The following ARHGEF2 variants were observed in gnomAD, a reference collection of about 807,000 sequenced individuals.
The protein encoded by ARHGEF2 is rho guanine nucleotide exchange factor 2.
In ARHGEF2, 22 loss-of-function variants were observed where a neutral mutation model predicts 121.0. The ratio of observed to expected loss-of-function variants is 0.18; its 90% CI spans 0.13 to 0.26. ARHGEF2 has a LOEUF of 0.26. ARHGEF2 is among the 10% of genes least tolerant of loss of function. The pLI is 1.00. For synonymous variants in ARHGEF2, 487 were observed against 530.0 expected (o/e 0.92, Z 1.11); for missense variants, 907 against 1,336.0 (o/e 0.68, Z 5.01).
Position 155,947,503 on chromosome 1 carries a change from T to C in ARHGEF2, c.*439A>G. ...AGGGTGCTGTGGCTGCAGCCTCTCCTCCAAGACGGATGTTGCAGGGGAGGG... is the reference window on the plus strand; with the variant it reads ...AGGGTGCTGTGGCTGCAGCCTCTCCCCCAAGACGGATGTTGCAGGGGAGGG... On this transcript the variant is annotated 3_prime_UTR_variant, in exon 22 of 22. Coordinates refer to ENST00000361247, the MANE Select transcript of ARHGEF2 (RefSeq NM_001162383.2). 1 of 441,816 alleles carries C rather than the reference T, an allele frequency of 2.3e-6. No individual in the cohort carries two copies. The highest frequency in any genetic ancestry group is 1.6e-5 in the South Asian group (1 of 62,700). The allele number at this position is 441,816 out of a possible 1,614,324, so 27.4% of individuals were successfully genotyped here. A position where few individuals can be genotyped will look rare whatever the true frequency, so the allele number is the denominator to read the frequency against.
rs576936245 is a variant in ARHGEF2, at chr1:155,961,678, G to A, written c.1451C>T (p.Ala484Val). Residue 484 changes from alanine to valine, a missense_variant, in exon 11 of 22, where the codon GCG (alanine) becomes GTG (valine). Physicochemically the swap from Ala to Val is moderately conservative, Grantham distance 64. Coordinates refer to ENST00000361247, the MANE Select transcript of ARHGEF2 (RefSeq NM_001162383.2). The surrounding 1 kb of genome is among the most constrained non-coding windows in gnomAD (Gnocchi z 4.7). The stretch of plus-strand genomic sequence containing the variant: ...GGTCTGACCTTTGAAGCGCCCCGTC[G>A]CTGTCTTCCAGAGCAGGCAGCCATC... The part of the protein sequence containing the change: ...IHDGCLLWKT[A>V]TGRFKDVLVL... 1.5e-5 allele frequency: 24 copies of A among 1,612,076 alleles called. No individual in the cohort carries two copies. Among genetic ancestry groups the A allele is most frequent in the South Asian group, 2.2e-5 (2 of 91,092 alleles).
At chr1:155,948,469 A>G (rs1427931779) in intron 21 of ARHGEF2, among the ~76,000 whole-genome samples, 1 of 152,006 alleles carries the variant, frequency 6.6e-6, no homozygotes, top group Non-Finnish European at 1.5e-5. Flanking sequence ...ATCTCTACTA[A>G]AAATGCCAAA....
At position 155,962,701 on chromosome 1, in the gene ARHGEF2, C is replaced by T. The variant is rs75834511; in HGVS notation, c.993G>A (p.Ala331=). The T allele has an allele frequency of 1.9e-3, 3,015 of 1,614,132 alleles. 7 individuals carry two copies. Among genetic ancestry groups the T allele is most frequent in the Non-Finnish European group, 2.3e-3 (2,680 of 1,180,024 alleles). Residue 331 remains alanine (A), a synonymous_variant, in exon 9 of 22, where the codon GCG becomes GCA. Transcript: ENST00000361247. The surrounding 1 kb of genome is among the most constrained non-coding windows in gnomAD (Gnocchi z 5.8). ...LLISQFSGPS[A]EQMCKTYSEF... ...CCGAGTAGGTCTTACACATCTGCTC[C>T]GCACTAGGACCTGAGAACTAGAAGT...
upstream of ARHGEF2, chr1:155,979,261 C>G (rs1176171069): frequency 1.0e-6 from 1 of 985,608 alleles, no homozygotes; most frequent in Non-Finnish European, 1.2e-6. Flanking sequence ...TTGGGATTCT[C>G]CACTTTTACC....
At position 155,969,264 on chromosome 1, in the gene ARHGEF2, C is replaced by T. The variant is rs1389676824; in HGVS notation, c.100G>A (p.Ala34Thr). The T allele has an allele frequency of 1.1e-5, 18 of 1,614,064 alleles. No individual in the cohort carries two copies. The Admixed American group carries it at 3.0e-4, about 27-fold the overall frequency. ...EKEKMKEAKD[A>T]RYTNGHLFTT... ...AAGAGGTGCCCATTGGTATAGCGGG[C>T]ATCCTTGGCTTCCTTCATCTTCTCC... Residue 34 changes from alanine to threonine, a missense_variant, in exon 2 of 22, where the codon GCC becomes ACC. This residue lies in a region of ARHGEF2 where 475 missense variants were observed against 776.5 expected (regional missense o/e 0.61). Coordinates refer to ENST00000361247, the MANE Select transcript of ARHGEF2 (RefSeq NM_001162383.2).
At chr1:155,948,154 G>A in intron 21 of ARHGEF2, 139 bp from the exon 22 acceptor site, 1 of 612,272 alleles carries the variant, frequency 1.6e-6, no homozygotes, top group East Asian at 3.1e-5. Flanking sequence ...TAAATTCTTG[G>A]GTGAGAGGAA....
At position 155,965,735 on chromosome 1, in the gene ARHGEF2, C is replaced by A; in HGVS notation, c.366G>T (p.Ser122=). The A allele has an allele frequency of 3.7e-6, 6 of 1,600,368 alleles. No individual in the cohort carries two copies. Among genetic ancestry groups the A allele is most frequent in the Non-Finnish European group, 5.1e-6 (6 of 1,176,788 alleles). The part of the protein sequence containing the change: ...SKTTIRERPS[S]AIYPSDSFRQ... Reference sequence around the variant, plus strand: ...GGAAGCTGTCGGAGGGGTAGATGGCCGAGCTTGGCCGCTCCCGGATGGTTG... The same window carrying A: ...GGAAGCTGTCGGAGGGGTAGATGGCAGAGCTTGGCCGCTCCCGGATGGTTG... Residue 122 remains serine, a synonymous_variant, in exon 5 of 22, where the codon TCG becomes TCT. Transcript: ENST00000361247. This position sits in a 1 kb window ranked among gnomAD's most constrained non-coding sequence, Gnocchi z 6.0.
At chr1:155,955,029 C>A in intron 13 of ARHGEF2, 60 bp from the exon 14 acceptor site, 2 of 1,428,700 alleles carry the variant, frequency 1.4e-6, no homozygotes, top group South Asian at 1.2e-5. Context: ...AGACCAGAAT[C>A]AGCCTTCCCT....
At chr1:155,954,601 T>C (rs1435838790) in intron 14 of ARHGEF2, among the ~76,000 whole-genome samples, 41 of 151,668 alleles carry the variant, frequency 2.7e-4, no homozygotes, top group Non-Finnish European at 4.6e-4. Flanking sequence ...CTACTTCCTT[T>C]TTTAAGGAAG....
At chr1:155,966,379 G>A in intron 4 of ARHGEF2, 37 bp downstream of exon 4, 1 of 1,608,532 alleles carries the variant, frequency 6.2e-7, no homozygotes, top group Non-Finnish European at 8.5e-7. Flanking sequence ...TGGGGTCCAG[G>A]GTCTTAGGGG....
upstream of ARHGEF2, chr1:155,978,701 G>A (rs765129218): frequency 2.2e-6 from 2 of 918,360 alleles, no homozygotes; most frequent in South Asian, 4.2e-5. This position sits in a 1 kb window ranked among gnomAD's most constrained non-coding sequence, Gnocchi z 4.1. Flanking sequence ...AGAGGTACGA[G>A]GGTCCTAGGA....
intron 1 of ARHGEF2, among the ~76,000 whole-genome samples, chr1:155,977,000 T>C (rs1019239918): frequency 6.6e-6 from 1 of 152,080 alleles, no homozygotes; most frequent in Non-Finnish European, 1.5e-5. Context: ...GGAACCTCTG[T>C]CTCTCCCAGT....
chr1:155,951,560 G>A lies in ARHGEF2; in HGVS notation c.2209-27C>T. On this transcript the variant is annotated intron_variant, in intron 18 of 21. Transcript: ENST00000361247. This position sits in a 1 kb window ranked among gnomAD's most constrained non-coding sequence, Gnocchi z 5.1. ...TGAGGACAGACAGGGTGGGAACAGGGCCCCAGCTTTAGGATGGGAGAACTG... is the reference window on the plus strand; with the variant it reads ...TGAGGACAGACAGGGTGGGAACAGGACCCCAGCTTTAGGATGGGAGAACTG... 6.2e-7 allele frequency: 1 copy of A among 1,614,098 alleles called. No individual in the cohort carries two copies. The highest frequency in any genetic ancestry group is 8.5e-7 in the Non-Finnish European group (1 of 1,179,992).
intron 1 of ARHGEF2, chr1:155,970,352 G>A (rs1680225721): frequency 1.0e-6 from 1 of 985,366 alleles, no homozygotes; most frequent in Admixed American, 6.1e-5. Flanking sequence ...CCCTCTTCAA[G>A]CCCCTGTGAT....
chr1:155,971,062 CT>C, intron 1 of ARHGEF2: 1 of 986,618 alleles, frequency 1.0e-6, no homozygotes, highest in Non-Finnish European at 1.2e-6. Context: ...CACTGTTCTC[CT>C]CTCCCGCCCA....
Position 155,950,512 on chromosome 1 carries a change from G to A in ARHGEF2, c.2704-30C>T, listed in dbSNP as rs763968735. 1.8e-5 allele frequency: 29 copies of A among 1,604,080 alleles called. No homozygotes were observed. The highest frequency in any genetic ancestry group is 2.3e-5 in the Non-Finnish European group (27 of 1,172,970). On this transcript the variant is annotated intron_variant, in intron 20 of 21. Transcript: ENST00000361247. This position sits in a 1 kb window ranked among gnomAD's most constrained non-coding sequence, Gnocchi z 5.2. ...GGACAGTGGGCAGGAAGAACAGCAG[G>A]TCAGGGACTGAGTAGTGTGAAGATT...
At position 155,964,974 on chromosome 1, in the gene ARHGEF2, T is replaced by C; in HGVS notation, c.724+14A>G. 1.2e-6 allele frequency: 2 copies of C among 1,606,610 alleles called. No homozygotes were observed. Among genetic ancestry groups the C allele is most frequent in the Non-Finnish European group, 8.5e-7 (1 of 1,176,166 alleles). On this transcript the variant is annotated intron_variant, in intron 7 of 21. Coordinates refer to ENST00000361247, the MANE Select transcript of ARHGEF2 (RefSeq NM_001162383.2). ...TGGTGAAGGAAGAGGAAGACTAGGG[T>C]GGTCTTGGCTTACCATAGATGACAT...
At position 155,965,536 on chromosome 1, in the gene ARHGEF2, G is replaced by T. The variant is rs910481850; in HGVS notation, c.470+95C>A. 1.2e-6 allele frequency: 2 copies of T among 1,606,264 alleles called. No individual in the cohort carries two copies. The highest frequency in any genetic ancestry group is 1.7e-6 in the Non-Finnish European group (2 of 1,175,062). On this transcript the variant is annotated intron_variant, in intron 5 of 21. Coordinates refer to ENST00000361247, the MANE Select transcript of ARHGEF2 (RefSeq NM_001162383.2). The surrounding 1 kb of genome is among the most constrained non-coding windows in gnomAD (Gnocchi z 6.0). ...AGTTCTCCTTATTTGTCTGTCTACA[G>T]TTCTGAACTCAGGGATGGAAAGGGA...
intron 11 of ARHGEF2, among the ~76,000 whole-genome samples, chr1:155,959,540 G>A (rs992924560): frequency 5.3e-5 from 8 of 151,280 alleles, no homozygotes; most frequent in Non-Finnish European, 8.8e-5. Context: ...CAGCCACTGC[G>A]CCTGGCCTAT....
Sources: allele counts gnomAD v4.1 joint callset (sites outside exome capture counted in the v4.1 genomes callset), GRCh38; gene constraint gnomAD v4.1.1; regional missense constraint gnomAD v4.1.1; non-coding constraint Gnocchi (gnomAD v3.1); transcripts MANE v1.5; gene names NCBI Gene and HGNC (gene_info 2026-07-23, HGNC 2026-07-21).